The following USP49 variants were observed in gnomAD, a reference collection of about 807,000 sequenced individuals.
USP49 encodes the protein ubiquitin carboxyl-terminal hydrolase 49.
Under a neutral mutation model 58.6 loss-of-function variants are expected in USP49, and 24 were observed. The ratio of observed to expected loss-of-function variants is 0.41; its 90% CI spans 0.30 to 0.58. The LOEUF (loss-of-function observed/expected upper bound fraction) is 0.58, where lower values mean the gene tolerates loss of function less well. USP49 is among the 20% of genes least tolerant of loss of function. The pLI is 0.30. For synonymous variants in USP49, 408 were observed against 365.1 expected, an observed-to-expected ratio of 1.12 and a Z score of -1.34; for missense variants, 703 against 866.1, an observed-to-expected ratio of 0.81 and a Z score of 2.36.
chr6:41,807,381 GAGAA>G (rs909511360), intron 3 of USP49, among the ~76,000 whole-genome samples: 5 of 152,182 alleles, frequency 3.3e-5, no homozygotes, highest in Admixed American at 1.3e-4. Context: ...ATAGAAATAA[GAGAA>G]AGAAAGTCCT....
chr6:41,862,408 T>C (rs1483698139), intron 3 of USP49, among the ~76,000 whole-genome samples: 2 of 152,222 alleles, frequency 1.3e-5, no homozygotes, highest in Non-Finnish European at 2.9e-5. Context: ...TGTACATCTT[T>C]AGTTATAGTG....
chr6:41,821,472 C>T (rs2127334650), intron 3 of USP49, among the ~76,000 whole-genome samples: 1 of 152,296 alleles, frequency 6.6e-6, no homozygotes, highest in East Asian at 1.9e-4. Context: ...TTCCCCTTTA[C>T]TGGGAAAGAA....
At chr6:41,884,284 A>G (rs1256073870) in intron 2 of USP49, among the ~76,000 whole-genome samples, 1 of 152,172 alleles carries the variant, frequency 6.6e-6, no homozygotes, top group Non-Finnish European at 1.5e-5. Flanking sequence ...TGGCCTCCCA[A>G]AGTGCTGGGA....
At chr6:41,879,542 A>C (rs1774566671) in intron 2 of USP49, among the ~76,000 whole-genome samples, 1 of 152,012 alleles carries the variant, frequency 6.6e-6, no homozygotes, top group Non-Finnish European at 1.5e-5. Flanking sequence ...AAAAAAGGAG[A>C]ATGGAGTAAA....
intron 1 of USP49, among the ~76,000 whole-genome samples, chr6:41,895,100 G>T (rs1187791302): frequency 7.9e-6 from 1 of 126,592 alleles, no homozygotes; most frequent in East Asian, 2.7e-4. Context: ...TCCCGCCCGC[G>T]AGGCGCGCGC....
At chr6:41,845,241 T>TA (rs1773902192) in intron 3 of USP49, among the ~76,000 whole-genome samples, 1 of 151,660 alleles carries the variant, frequency 6.6e-6, no homozygotes, top group East Asian at 2.0e-4. Context: ...TAAATTCCTT[T>TA]AAAAAATGTA....
intron 2 of USP49, among the ~76,000 whole-genome samples, chr6:41,873,257 TC>T (rs111796576): frequency 0.031 from 4,780 of 152,276 alleles, 124 homozygotes; most frequent in African/African-American, 0.064. Flanking sequence ...ATGCAAAGGC[TC>T]ACTCCACCTC....
chr6:41,867,849 G>A (rs963313761), intron 3 of USP49, among the ~76,000 whole-genome samples: 1 of 152,132 alleles, frequency 6.6e-6, no homozygotes, highest in Non-Finnish European at 1.5e-5. Context: ...GATTCATAAT[G>A]AAGCAAAACA....
At chr6:41,812,172 C>T (rs779795173) in intron 3 of USP49, among the ~76,000 whole-genome samples, 3 of 151,840 alleles carry the variant, frequency 2.0e-5, no homozygotes, top group Admixed American at 6.6e-5. Flanking sequence ...CTCCGCCTCC[C>T]GAGTTCAAGC....
At chr6:41,889,119 G>C (rs1774768518) in intron 2 of USP49, among the ~76,000 whole-genome samples, 1 of 151,418 alleles carries the variant, frequency 6.6e-6, no homozygotes, top group South Asian at 2.1e-4. Flanking sequence ...TGCAACCTCT[G>C]TCTCCCAGGT....
chr6:41,849,634 A>C (rs1773986452), intron 3 of USP49, among the ~76,000 whole-genome samples: 1 of 148,930 alleles, frequency 6.7e-6, no homozygotes, highest in African/African-American at 2.5e-5. Flanking sequence ...TTGGAGACTG[A>C]GTGTTGCTCT....
At chr6:41,838,216 T>G (rs984199538) in intron 3 of USP49, among the ~76,000 whole-genome samples, 1 of 152,236 alleles carries the variant, frequency 6.6e-6, no homozygotes, top group East Asian at 1.9e-4. Context: ...TGCCCATCAA[T>G]GGCAGACTGG....
intron 3 of USP49, among the ~76,000 whole-genome samples, chr6:41,844,848 A>C (rs139250113): frequency 2.3e-4 from 35 of 152,080 alleles, no homozygotes; most frequent in Non-Finnish European, 4.1e-4. Context: ...AATATTACCT[A>C]TTTTATTGCG....
At position 41,793,920 on chromosome 6, in the gene USP49, G is replaced by A. The variant is rs1772842963; in HGVS notation, c.*2613C>T. 2 of 152,208 alleles carry A rather than the reference G, an allele frequency of 1.3e-5. No individual in the cohort carries two copies. The highest frequency in any genetic ancestry group is 4.1e-4 in the South Asian group (2 of 4,832). 9.4% of individuals were successfully genotyped at this position (152,208 alleles called of 1,614,324 possible). A position where few individuals can be genotyped will look rare whatever the true frequency, so the allele number is the denominator to read the frequency against. Reference sequence around the variant, plus strand: ...CAGGCCCATTAAGGTTCGGTTAGGAGACCTTGGGTTTGATTTGGCAGCATC... The same window carrying A: ...CAGGCCCATTAAGGTTCGGTTAGGAAACCTTGGGTTTGATTTGGCAGCATC... On this transcript the variant is annotated 3_prime_UTR_variant, in exon 8 of 8. Transcript: ENST00000682992.
Position 41,789,918 on chromosome 6 carries a change from A to G in USP49, c.*6615T>C, listed in dbSNP as rs1299612131. 2 of 152,218 alleles carry G rather than the reference A, an allele frequency of 1.3e-5. No homozygotes were observed. The highest frequency in any genetic ancestry group is 2.4e-5 in the African/African-American group (1 of 41,460). 9.4% of individuals were successfully genotyped at this position (152,218 alleles called of 1,614,324 possible). On this transcript the variant is annotated 3_prime_UTR_variant, in exon 8 of 8. Coordinates refer to ENST00000682992, the MANE Select transcript of USP49 (RefSeq NM_001286554.2). ...GCAGTCATTTTATTCTTTTAATAAG[A>G]AACTTTTGCTTACAAAAACAAGGTG...
intron 2 of USP49, among the ~76,000 whole-genome samples, chr6:41,878,328 T>C (rs537512364): frequency 6.6e-6 from 1 of 152,318 alleles, no homozygotes; most frequent in South Asian, 2.1e-4. Context: ...TGGGTCTTTA[T>C]AATTTTAACT....
chr6:41,809,922 A>G (rs916484129), intron 3 of USP49, among the ~76,000 whole-genome samples: 3 of 141,504 alleles, frequency 2.1e-5, no homozygotes, highest in Non-Finnish European at 4.6e-5. Context: ...GAGGCCGAGG[A>G]GGGCAGATCA....
intron 3 of USP49, among the ~76,000 whole-genome samples, chr6:41,839,154 C>A (rs1773777029): frequency 6.6e-6 from 1 of 151,772 alleles, no homozygotes; most frequent in Admixed American, 6.6e-5. Context: ...TGCCTATAAT[C>A]CTAGTACTTT....
At chr6:41,873,138 G>A (rs1199169279) in intron 2 of USP49, 2 of 152,286 alleles carry the variant, frequency 1.3e-5, no homozygotes, top group African/African-American at 4.8e-5. Flanking sequence ...AAAAGAGTTA[G>A]TATAATGGAG....
Sources: allele counts gnomAD v4.1 joint callset (sites outside exome capture counted in the v4.1 genomes callset), GRCh38; gene constraint gnomAD v4.1.1; transcripts MANE v1.5; gene names NCBI Gene and HGNC (gene_info 2026-07-23, HGNC 2026-07-21).